The following MAGI1 variants were observed in gnomAD, a reference collection of about 807,000 sequenced individuals.
MAGI1 encodes the protein membrane-associated guanylate kinase, WW and PDZ domain-containing protein 1.
MAGI1 carries 58 observed loss-of-function variants against 139.9 expected under a neutral mutation model. The observed-to-expected ratio is 0.41, with a 90% CI of 0.34 to 0.52. The LOEUF (loss-of-function observed/expected upper bound fraction) is 0.52. Among genes scored for constraint, MAGI1 ranks in the 20% least tolerant of loss-of-function variants. MAGI1 has a pLI of 0.12. For missense variants in MAGI1, 1,874 were observed against 1,901.6 expected (o/e 0.99, Z 0.27); for synonymous variants, 812 against 737.9 (o/e 1.10, Z -1.63).
chr3:65,478,560 G>A (rs745350665), intron 4 of MAGI1, 32 bp downstream of exon 4: 17 of 1,592,908 alleles, frequency 1.1e-5, no homozygotes, highest in East Asian at 2.2e-5. Context: ...CCTTCCCCAG[G>A]TCCATTGAGG....
intron 2 of MAGI1, among the ~76,000 whole-genome samples, chr3:65,509,611 C>CGA (rs1475328215): frequency 2.0e-5 from 3 of 152,214 alleles, no homozygotes; most frequent in Admixed American, 2.0e-4. Context: ...TTAAAAAAGG[C>CGA]GAACCACGAG....
intron 1 of MAGI1, among the ~76,000 whole-genome samples, chr3:65,816,796 C>A (rs6796906): frequency 0.61 from 93,020 of 152,054 alleles, 29,035 homozygotes; most frequent in East Asian, 0.93. Context: ...ATATCATCAC[C>A]GTAATGCAGA....
chr3:65,690,516 A>G (rs185152028), intron 1 of MAGI1, among the ~76,000 whole-genome samples: 12 of 152,132 alleles, frequency 7.9e-5, no homozygotes, highest in African/African-American at 2.9e-4. Context: ...TTGCTATGTC[A>G]CTCAGGCTGG....
At chr3:65,442,683 T>TA in intron 8 of MAGI1, 109 bp downstream of exon 8, 1 of 674,618 alleles carries the variant, frequency 1.5e-6, no homozygotes, top group Non-Finnish European at 2.6e-6. Flanking sequence ...ATAAAATTAA[T>TA]ATTGTTAATT....
At chr3:65,861,717 G>A (rs1230564425) in intron 1 of MAGI1, among the ~76,000 whole-genome samples, 11 of 152,042 alleles carry the variant, frequency 7.2e-5, no homozygotes, top group African/African-American at 9.6e-5. Context: ...AAGGGGCGCC[G>A]TGAAAAAAAA....
At chr3:65,469,409 G>C (rs920416774) in intron 5 of MAGI1, among the ~76,000 whole-genome samples, 41 of 151,708 alleles carry the variant, frequency 2.7e-4, no homozygotes, top group African/African-American at 9.4e-4. Flanking sequence ...TCAAAATACT[G>C]CATTTAAAAA....
At chr3:65,537,417 G>A (rs766566074) in intron 2 of MAGI1, among the ~76,000 whole-genome samples, 8 of 151,988 alleles carry the variant, frequency 5.3e-5, no homozygotes, top group South Asian at 2.1e-4. Flanking sequence ...ATAATTTATG[G>A]CACCTTGTAG....
intron 2 of MAGI1, among the ~76,000 whole-genome samples, chr3:65,538,929 C>T (rs952192511): frequency 2.6e-5 from 4 of 152,022 alleles, no homozygotes; most frequent in Admixed American, 6.6e-5. Context: ...CACATACCAA[C>T]TACCGTCAAC....
intron 1 of MAGI1, among the ~76,000 whole-genome samples, chr3:65,789,207 A>G (rs1038484017): frequency 6.6e-6 from 1 of 152,186 alleles, no homozygotes; most frequent in African/African-American, 2.4e-5. Context: ...ATGATAATAA[A>G]TAAATAATGA....
At chr3:65,603,346 A>G (rs68057148) in intron 2 of MAGI1, among the ~76,000 whole-genome samples, 8,177 of 152,316 alleles carry the variant, frequency 0.054, 215 homozygotes, top group African/African-American at 0.062. Context: ...CAAAAAATAT[A>G]TATAGCACAG....
chr3:65,375,706 A>G (rs1203021501), intron 18 of MAGI1, 39 bp downstream of exon 18: 4 of 1,406,302 alleles, frequency 2.8e-6, no homozygotes, highest in African/African-American at 1.5e-5. Context: ...GAGAGAGAGA[A>G]AAAGAGAGAG....
intron 1 of MAGI1, among the ~76,000 whole-genome samples, chr3:65,855,465 A>G (rs958359795): frequency 1.4e-5 from 2 of 147,118 alleles, no homozygotes; most frequent in African/African-American, 5.1e-5. Flanking sequence ...GGCCCAGCAT[A>G]GTGGCTTGCA....
At chr3:65,902,218 G>C (rs1449610271) in intron 1 of MAGI1, among the ~76,000 whole-genome samples, 5 of 152,172 alleles carry the variant, frequency 3.3e-5, no homozygotes, top group Non-Finnish European at 1.5e-5. Flanking sequence ...GTAGGAGAGA[G>C]AAAACTCTCA....
intron 1 of MAGI1, among the ~76,000 whole-genome samples, chr3:65,720,634 C>G (rs192572257): frequency 6.6e-6 from 1 of 152,154 alleles, no homozygotes; most frequent in African/African-American, 2.4e-5. Context: ...CCAAGAAACA[C>G]GTAAAGCTTC....
chr3:65,423,014 G>A (rs981917228), intron 12 of MAGI1, among the ~76,000 whole-genome samples: 1 of 152,206 alleles, frequency 6.6e-6, no homozygotes, highest in African/African-American at 2.4e-5. Flanking sequence ...GCCACTGCAA[G>A]GCCAGGTGCC....
rs145533024 is a variant in MAGI1, at chr3:65,878,472, C to T, written c.313+159524G>A. Reference sequence around the variant, plus strand: ...CAGAGGTTGCAGTGAGCCAAGATTGCGCTATTGCACTCCAGCCTGGACAAC... The same window carrying T: ...CAGAGGTTGCAGTGAGCCAAGATTGTGCTATTGCACTCCAGCCTGGACAAC... On this transcript the variant is annotated intron_variant, in intron 1 of 22. Coordinates refer to ENST00000402939, the MANE Select transcript of MAGI1 (RefSeq NM_001033057.2). Among the ~76,000 whole-genome samples, 1,236 of 146,756 alleles carry T rather than the reference C, an allele frequency of 8.4e-3. 1 individual carries two copies. Among genetic ancestry groups the T allele is most frequent in the Non-Finnish European group, 0.013 (897 of 67,444 alleles).
At chr3:65,604,291 A>T (rs569953959) in intron 2 of MAGI1, among the ~76,000 whole-genome samples, 2 of 152,172 alleles carry the variant, frequency 1.3e-5, no homozygotes, top group African/African-American at 2.4e-5. Flanking sequence ...TAACATTTGA[A>T]GCTATGTTGG....
chr3:65,382,442 A>T (rs6778443), intron 15 of MAGI1, among the ~76,000 whole-genome samples: 3 of 152,236 alleles, frequency 2.0e-5, no homozygotes, highest in Middle Eastern at 3.4e-3. Context: ...CTTTTATTTA[A>T]GGGTCTAGCA....
intron 1 of MAGI1, among the ~76,000 whole-genome samples, chr3:65,852,765 A>T (rs1052411749): frequency 1.3e-5 from 2 of 151,796 alleles, no homozygotes; most frequent in Admixed American, 1.3e-4. Context: ...GGCCTCCCAA[A>T]GTACTTGGAT....
Sources: allele counts gnomAD v4.1 joint callset (sites outside exome capture counted in the v4.1 genomes callset), GRCh38; gene constraint gnomAD v4.1.1; transcripts MANE v1.5; gene names NCBI Gene and HGNC (gene_info 2026-07-23, HGNC 2026-07-21).